The following PARD3B variants were observed in gnomAD, a reference collection of about 807,000 sequenced individuals.
The protein encoded by PARD3B is partitioning defective 3 homolog B.
Under a neutral mutation model 130.2 loss-of-function variants are expected in PARD3B, and 103 were observed. The observed-to-expected ratio is 0.79, with a 90% confidence interval of 0.67 to 0.93. The LOEUF (loss-of-function observed/expected upper bound fraction) is 0.93, where lower values mean the gene tolerates loss of function less well. Ranked by LOEUF, PARD3B falls within the 40% of genes least tolerant of loss-of-function variation. The pLI is 0.00. For synonymous variants in PARD3B, 583 were observed against 553.2 expected (o/e 1.05, Z -0.76); for missense variants, 1,609 against 1,499.2 (o/e 1.07, Z -1.21).
At chr2:205,016,212 C>T (rs1002302348) in intron 3 of PARD3B, among the ~76,000 whole-genome samples, 2 of 152,136 alleles carry the variant, frequency 1.3e-5, no homozygotes, top group African/African-American at 4.8e-5. Context: ...TTCTCTAAGT[C>T]AGATTGTGGG....
chr2:205,615,362 C>A (rs1468806650), intron 22 of PARD3B, 94 bp from the exon 23 acceptor site: 3 of 1,042,492 alleles, frequency 2.9e-6, no homozygotes, highest in South Asian at 1.5e-5. Flanking sequence ...TATGCGGTGG[C>A]CACACCAAAC....
chr2:204,742,841 T>G (rs1038150686), intron 2 of PARD3B, among the ~76,000 whole-genome samples: 4 of 152,198 alleles, frequency 2.6e-5, no homozygotes, highest in Admixed American at 6.5e-5. Flanking sequence ...AGATTAAATA[T>G]GGAGGGGGTG....
intron 10 of PARD3B, among the ~76,000 whole-genome samples, chr2:205,134,283 G>A (rs2032277142): frequency 6.6e-6 from 1 of 151,880 alleles, no homozygotes; most frequent in African/African-American, 2.4e-5. Context: ...ATCACTTCAG[G>A]AGGCTGAGGT....
chr2:204,657,914 A>G (rs934535541), intron 1 of PARD3B, among the ~76,000 whole-genome samples: 1 of 152,162 alleles, frequency 6.6e-6, no homozygotes, highest in African/African-American at 2.4e-5. Flanking sequence ...AGTAATATGT[A>G]TACACATTTG....
intron 20 of PARD3B, among the ~76,000 whole-genome samples, chr2:205,498,249 C>A (rs2050017363): frequency 6.7e-6 from 1 of 150,336 alleles, no homozygotes. Context: ...CGCCTGTAAT[C>A]CCAGTACTTT....
chr2:204,907,691 G>GT lies in PARD3B; in HGVS notation c.223-57454dup, dbSNP rs1183020079. 6.6e-6 allele frequency among the ~76,000 whole-genome samples: 1 copy of GT among 151,802 alleles called. No individual in the cohort carries two copies. Among genetic ancestry groups the GT allele is most frequent in the Non-Finnish European group, 1.5e-5 (1 of 67,932 alleles). ...CATGGGCTTGTTTCTATAAAGAGTGGTTTTTTTGTCTTGTTTTGTTTTGTT... is the reference window on the plus strand; with the variant it reads ...CATGGGCTTGTTTCTATAAAGAGTGGTTTTTTTTGTCTTGTTTTGTTTTGTT... On this transcript the variant is annotated intron_variant, in intron 2 of 22. Coordinates refer to ENST00000406610, the MANE Select transcript of PARD3B (RefSeq NM_001302769.2). The surrounding 1 kb of genome is among the most constrained non-coding windows in gnomAD (Gnocchi z 5.7).
chr2:204,945,333 A>G (rs540926702), intron 2 of PARD3B, among the ~76,000 whole-genome samples: 41 of 152,306 alleles, frequency 2.7e-4, no homozygotes, highest in African/African-American at 7.7e-4. Flanking sequence ...AATCACCAGG[A>G]TATAGAAACT....
chr2:204,944,963 C>G (rs531706512), intron 2 of PARD3B, among the ~76,000 whole-genome samples: 2 of 152,332 alleles, frequency 1.3e-5, no homozygotes, highest in African/African-American at 4.8e-5. Context: ...ATTCCAAGTG[C>G]CCAAACTGTA....
chr2:205,118,997 T>C lies in PARD3B; in HGVS notation c.757T>C (p.Cys253Arg). ...GGAGGGACTATTTCACGAAAATGAATGTATTGTAAAAATCAACAATGTGGA... is the reference window on the plus strand; with the variant it reads ...GGAGGGACTATTTCACGAAAATGAACGTATTGTAAAAATCAACAATGTGGA... ...KREGLFHENE[C>R]IVKINNVDLV... Residue 253 changes from cysteine to arginine, a missense_variant, in exon 7 of 23, where the codon TGT becomes CGT. Cys to Arg is a radical substitution (Grantham distance 180). Transcript: ENST00000406610. 6.2e-7 allele frequency: 1 copy of C among 1,611,718 alleles called. No individual in the cohort carries two copies. The highest frequency in any genetic ancestry group is 8.5e-7 in the Non-Finnish European group (1 of 1,179,110).
intron 18 of PARD3B, among the ~76,000 whole-genome samples, chr2:205,385,760 A>G (rs1002278975): frequency 6.6e-6 from 1 of 152,120 alleles, no homozygotes; most frequent in African/African-American, 2.4e-5. Flanking sequence ...TGAAAAGCTC[A>G]ATGAGATATA....
chr2:205,265,758 TGTA>T lies in PARD3B; in HGVS notation c.2185+19940_2185+19942del, dbSNP rs1250066426. Among the ~76,000 whole-genome samples, 1 of 152,016 alleles carries T rather than the reference TGTA, an allele frequency of 6.6e-6. No individual in the cohort carries two copies. The highest frequency in any genetic ancestry group is 2.4e-5 in the African/African-American group (1 of 41,434). ...TTATTAGGTGCAAGTTACATGCTATTGTAGTAAAGTTAAAAGATTATTCAAATC... is the reference window on the plus strand; with the variant it reads ...TTATTAGGTGCAAGTTACATGCTATTGTAAAGTTAAAAGATTATTCAAATC... On this transcript the variant is annotated intron_variant, in intron 16 of 22. Transcript: ENST00000406610. The surrounding 1 kb of genome is among the most constrained non-coding windows in gnomAD (Gnocchi z 4.3).
chr2:205,060,887 A>T (rs1700027086), intron 4 of PARD3B, among the ~76,000 whole-genome samples: 1 of 152,166 alleles, frequency 6.6e-6, no homozygotes, highest in South Asian at 2.1e-4. Context: ...CACTAGGGTC[A>T]TGTATAGAGA....
At chr2:205,037,825 G>A (rs1212430937) in intron 3 of PARD3B, among the ~76,000 whole-genome samples, 2 of 151,868 alleles carry the variant, frequency 1.3e-5, no homozygotes. Flanking sequence ...TTAACCTATA[G>A]CAATTAAAAT....
At chr2:204,600,234 A>C (rs1042115961) in intron 1 of PARD3B, among the ~76,000 whole-genome samples, 1 of 151,836 alleles carries the variant, frequency 6.6e-6, no homozygotes, top group African/African-American at 2.4e-5. Flanking sequence ...TTATTCATAA[A>C]ATCCTTTTTC....
chr2:205,073,623 A>G (rs1700871549), intron 4 of PARD3B, among the ~76,000 whole-genome samples: 1 of 152,198 alleles, frequency 6.6e-6, no homozygotes, highest in Non-Finnish European at 1.5e-5. Flanking sequence ...TTTTCTTTGT[A>G]CAAAGTAGGA....
chr2:204,765,205 G>T (rs1449282213), intron 2 of PARD3B, among the ~76,000 whole-genome samples: 1 of 152,156 alleles, frequency 6.6e-6, no homozygotes, highest in Non-Finnish European at 1.5e-5. Context: ...CTCAAAGTGT[G>T]GTTGCCAGAC....
intron 2 of PARD3B, among the ~76,000 whole-genome samples, chr2:204,959,699 G>T (rs554013322): frequency 1.2e-4 from 19 of 152,160 alleles, no homozygotes; most frequent in Non-Finnish European, 2.5e-4. Context: ...CTAAAATAAG[G>T]TTTATGGATA....
At chr2:205,495,558 T>C (rs1385693778) in intron 20 of PARD3B, among the ~76,000 whole-genome samples, 1 of 152,218 alleles carries the variant, frequency 6.6e-6, no homozygotes, top group African/African-American at 2.4e-5. Context: ...CTTCTGAAGC[T>C]ATTTCTAGAA....
Position 205,309,010 on chromosome 2 carries a change from C to T in PARD3B, c.2630+7309C>T, listed in dbSNP as rs1019002037. On this transcript the variant is annotated intron_variant, in intron 18 of 22. Coordinates refer to ENST00000406610, the MANE Select transcript of PARD3B (RefSeq NM_001302769.2). The surrounding 1 kb of genome is among the most constrained non-coding windows in gnomAD (Gnocchi z 4.7). Reference sequence around the variant, plus strand: ...AGCTACACTGAATTTTCAGCAGATACGTTATCAGAATTTAGCACACTATGG... The same window carrying T: ...AGCTACACTGAATTTTCAGCAGATATGTTATCAGAATTTAGCACACTATGG... Among the ~76,000 whole-genome samples, 24 of 152,204 alleles carry T rather than the reference C, an allele frequency of 1.6e-4. No homozygotes were observed. The highest frequency in any genetic ancestry group is 5.5e-4 in the African/African-American group (23 of 41,456).
Sources: allele counts gnomAD v4.1 joint callset (sites outside exome capture counted in the v4.1 genomes callset), GRCh38; gene constraint gnomAD v4.1.1; non-coding constraint Gnocchi (gnomAD v3.1); transcripts MANE v1.5; gene names NCBI Gene and HGNC (gene_info 2026-07-23, HGNC 2026-07-21).